CDH8: variants seen among roughly 807,000 people sequenced by gnomAD.
CDH8 encodes cadherin 8.
CDH8 carries 17 observed loss-of-function variants against 68.1 expected under a neutral mutation model. The observed-to-expected ratio is 0.25, with a 90% CI of 0.17 to 0.37. The LOEUF is 0.37. Among genes scored for constraint, CDH8 ranks in the 10% least tolerant of loss-of-function variants. The probability of loss-of-function intolerance (pLI) is 1.00; values close to 1 mark genes in which losing one functional copy is unlikely to be tolerated. For synonymous variants in CDH8, 372 were observed against 365.1 expected, an observed-to-expected ratio of 1.02 and a Z score of -0.21; for missense variants, 763 against 999.3, an observed-to-expected ratio of 0.76 and a Z score of 3.19.
chr16:61,990,131 T>C (rs758910854), intron 2 of CDH8, among the ~76,000 whole-genome samples: 50 of 152,022 alleles, frequency 3.3e-4, no homozygotes, highest in Non-Finnish European at 5.9e-4. Context: ...AAAAATATGA[T>C]GGTTAATATG....
At chr16:61,941,378 G>T (rs141313570) in intron 2 of CDH8, among the ~76,000 whole-genome samples, 226 of 152,268 alleles carry the variant, frequency 1.5e-3, no homozygotes, top group African/African-American at 5.3e-3. Context: ...AAAACAAAGC[G>T]TCATATTCTC....
At chr16:61,864,039 G>T (rs774890536) in intron 3 of CDH8, among the ~76,000 whole-genome samples, 19 of 152,116 alleles carry the variant, frequency 1.2e-4, no homozygotes, top group Non-Finnish European at 2.2e-4. Context: ...GAGCACAGGG[G>T]TTGCCATGAC....
rs1254004522 is a variant in CDH8 at position 61,649,941 on chromosome 16, C to A, written c.*3667G>T. ...TAAGCATCTGATTAAGCAGACTCTCCCAAAGACACATTTGTATCTTTCTAA... is the reference window on the plus strand; with the variant it reads ...TAAGCATCTGATTAAGCAGACTCTCACAAAGACACATTTGTATCTTTCTAA... On this transcript the variant is annotated 3_prime_UTR_variant, in exon 12 of 12. Transcript: ENST00000577390. 1 of 152,044 alleles carries A rather than the reference C, an allele frequency of 6.6e-6. No individual in the cohort carries two copies. Among genetic ancestry groups the A allele is most frequent in the Non-Finnish European group, 1.5e-5 (1 of 68,010 alleles). The allele number at this position is 152,044 out of a possible 1,614,324, so 9.4% of individuals were successfully genotyped here.
chr16:61,862,135 T>TCACACACA (rs3069990), intron 3 of CDH8, among the ~76,000 whole-genome samples: 8 of 146,230 alleles, frequency 5.5e-5, no homozygotes, highest in East Asian at 2.0e-4. Context: ...CAAACACCAC[T>TCACACACA]CACACACACA....
chr16:61,654,826 G>A (rs1250029692), intron 11 of CDH8, among the ~76,000 whole-genome samples: 1 of 152,100 alleles, frequency 6.6e-6, no homozygotes, highest in Non-Finnish European at 1.5e-5. Context: ...ATGGTGTTTT[G>A]TTCCTCAAGG....
intron 2 of CDH8, among the ~76,000 whole-genome samples, chr16:61,952,085 G>C (rs1421443826): frequency 6.6e-6 from 1 of 152,152 alleles, no homozygotes; most frequent in Non-Finnish European, 1.5e-5. Flanking sequence ...CTTTAGAGCT[G>C]ATGTTGACTA....
chr16:61,713,834 T>C lies in CDH8; in HGVS notation c.1654+7A>G. On this transcript the variant is annotated splice_region_variant and intron_variant, in intron 10 of 11. Coordinates refer to ENST00000577390, the MANE Select transcript of CDH8 (RefSeq NM_001796.5). ...TGTACTCTGTTTCACAAAGCTAATA[T>C]ATTTACCTTCATTTTTCTTGATGGT... is the stretch of plus-strand genomic sequence containing the variant. The C allele has an allele frequency of 7.1e-7, 1 of 1,399,214 alleles. No individual in the cohort carries two copies. Among genetic ancestry groups the C allele is most frequent in the Non-Finnish European group, 1.0e-6 (1 of 985,248 alleles). The allele number at this position is 1,399,214 out of a possible 1,614,324, so 86.7% of individuals were successfully genotyped here. A position where few individuals can be genotyped will look rare whatever the true frequency, so the allele number is the denominator to read the frequency against.
intron 3 of CDH8, among the ~76,000 whole-genome samples, chr16:61,883,503 A>G (rs1963615990): frequency 6.6e-6 from 1 of 151,996 alleles, no homozygotes; most frequent in Admixed American, 6.6e-5. Context: ...TATATTTTAC[A>G]TTTTATTTCA....
At chr16:61,708,442 A>G (rs1232425328) in intron 10 of CDH8, among the ~76,000 whole-genome samples, 1 of 152,214 alleles carries the variant, frequency 6.6e-6, no homozygotes, top group Non-Finnish European at 1.5e-5. Flanking sequence ...TTCAACATGT[A>G]TAAAGAAAAT....
chr16:62,002,551 T>C (rs1965909483), intron 2 of CDH8, among the ~76,000 whole-genome samples: 1 of 152,220 alleles, frequency 6.6e-6, no homozygotes, highest in Non-Finnish European at 1.5e-5. Flanking sequence ...CTCAAAATGT[T>C]AGCCATTAGC....
At chr16:61,837,756 C>G (rs561603101) in intron 4 of CDH8, among the ~76,000 whole-genome samples, 11 of 152,096 alleles carry the variant, frequency 7.2e-5, no homozygotes, top group Middle Eastern at 3.4e-3. Flanking sequence ...TACTAGTGGT[C>G]CTTACGCACA....
At chr16:61,970,286 T>C (rs1567550773) in intron 2 of CDH8, among the ~76,000 whole-genome samples, 2 of 152,136 alleles carry the variant, frequency 1.3e-5, no homozygotes, top group Admixed American at 6.5e-5. Flanking sequence ...CACATATTTG[T>C]ATGTCAGCAT....
intron 2 of CDH8, among the ~76,000 whole-genome samples, chr16:61,972,967 T>G (rs528166501): frequency 1.8e-4 from 27 of 152,316 alleles, no homozygotes; most frequent in African/African-American, 6.5e-4. Context: ...AAAAGCTACT[T>G]TCTCCAAGTA....
In CDH8 at chr16:61,779,858, G is replaced by C. The variant is rs544449121; in HGVS notation, c.1414+9488C>G. Among the ~76,000 whole-genome samples, 9 of 152,242 alleles carry C rather than the reference G, an allele frequency of 5.9e-5. No individual in the cohort carries two copies. In the South Asian group the frequency reaches 1.9e-3, roughly 32 times the overall value. ...CACAGAAAAACCGTTTCGTTCACTT[G>C]ATTCAAGAAATGATGTAGCAGTATC... is the stretch of plus-strand genomic sequence containing the variant. On this transcript the variant is annotated intron_variant, in intron 8 of 11. Coordinates refer to ENST00000577390, the MANE Select transcript of CDH8 (RefSeq NM_001796.5).
chr16:61,754,297 C>G (rs1357137243), intron 8 of CDH8, among the ~76,000 whole-genome samples: 1 of 152,006 alleles, frequency 6.6e-6, no homozygotes, highest in African/African-American at 2.4e-5. Context: ...TATTACTGAT[C>G]CTTGATATTT....
rs1308944435 is a variant in CDH8, at chr16:61,650,725, GAGAGAGAAAGAGAGAA to G, written c.*2867_*2882del. On this transcript the variant is annotated 3_prime_UTR_variant, in exon 12 of 12. Transcript: ENST00000577390. ...TGTGTGTGAGAGAGAGAGAGAGAGA[GAGAGAGAAAGAGAGAA>G]AGAGAGAGATAGTTCCTGAGATTTT... The G allele has an allele frequency of 7.1e-6, 1 of 140,834 alleles. No individual in the cohort carries two copies. The highest frequency in any genetic ancestry group is 7.0e-5 in the Admixed American group (1 of 14,358). The allele number at this position is 140,834 out of a possible 1,614,324, so 8.7% of individuals were successfully genotyped here.
At chr16:61,937,851 T>C (rs1964651713) in intron 2 of CDH8, 1 of 152,150 alleles carries the variant, frequency 6.6e-6, no homozygotes, top group South Asian at 2.1e-4. Flanking sequence ...TCATTGTGTT[T>C]CCTTCTTTTA....
At chr16:61,688,638 T>A (rs549454560) in intron 10 of CDH8, among the ~76,000 whole-genome samples, 29 of 152,046 alleles carry the variant, frequency 1.9e-4, no homozygotes, top group Non-Finnish European at 3.8e-4. Context: ...ATGGATCATA[T>A]CCCAGTGGGG....
At chr16:61,889,627 G>A (rs1214276384) in intron 3 of CDH8, among the ~76,000 whole-genome samples, 1 of 152,162 alleles carries the variant, frequency 6.6e-6, no homozygotes, top group Non-Finnish European at 1.5e-5. Context: ...GACAAAGGCT[G>A]AACTCTGTGA....
Sources: allele counts gnomAD v4.1 joint callset (sites outside exome capture counted in the v4.1 genomes callset), GRCh38; gene constraint gnomAD v4.1.1; transcripts MANE v1.5; gene names NCBI Gene and HGNC (gene_info 2026-07-23, HGNC 2026-07-21).